Variants in ADGRG6 observed in about 807,000 individuals in gnomAD.
ADGRG6 encodes the protein adhesion G protein-coupled receptor G6.
ADGRG6 carries 84 observed loss-of-function variants against 142.4 expected under a neutral mutation model. The ratio of observed to expected loss-of-function variants is 0.59; its 90% CI spans 0.49 to 0.71. The LOEUF (loss-of-function observed/expected upper bound fraction) is 0.71, where lower values mean the gene tolerates loss of function less well. Among genes scored for constraint, ADGRG6 ranks in the 30% least tolerant of loss-of-function variants. The probability of loss-of-function intolerance (pLI) is 0.00; values close to 1 mark genes in which losing one functional copy is unlikely to be tolerated. For missense variants in ADGRG6, 1,367 were observed against 1,466.6 expected, an observed-to-expected ratio of 0.93 and a Z score of 1.11; for synonymous variants, 521 against 520.5, an observed-to-expected ratio of 1.00 and a Z score of -0.01.
intron 1 of ADGRG6, among the ~76,000 whole-genome samples, chr6:142,303,860 T>C (rs1327327721): frequency 6.6e-6 from 1 of 152,210 alleles, no homozygotes; most frequent in East Asian, 1.9e-4. Context: ...TTCCTGATCA[T>C]GAAATTAAGT....
chr6:142,318,710 GA>G (rs1778368846), intron 2 of ADGRG6, among the ~76,000 whole-genome samples: 1 of 151,954 alleles, frequency 6.6e-6, no homozygotes, highest in African/African-American at 2.4e-5. Context: ...GGAGAAGGGG[GA>G]TCTGGGCAGA....
intron 18 of ADGRG6, among the ~76,000 whole-genome samples, chr6:142,411,983 G>A (rs1776112217): frequency 6.6e-6 from 1 of 152,080 alleles, no homozygotes; most frequent in African/African-American, 2.4e-5. Context: ...TGGTTATGAT[G>A]TTTCTGTCAC....
intron 6 of ADGRG6, among the ~76,000 whole-genome samples, chr6:142,387,618 T>C (rs1782096114): frequency 6.6e-6 from 1 of 152,216 alleles, no homozygotes; most frequent in African/African-American, 2.4e-5. Flanking sequence ...ACGTCTATTT[T>C]TTCAAATAGG....
Position 142,402,837 on chromosome 6 carries a change from A to ATTT in ADGRG6, c.1955+15_1955+17dup. The ATTT allele has an allele frequency of 7.3e-7, 1 of 1,366,776 alleles. No individual in the cohort carries two copies. Among genetic ancestry groups the ATTT allele is most frequent in the Admixed American group, 2.1e-5 (1 of 46,828 alleles). 84.7% of individuals were successfully genotyped at this position (1,366,776 alleles called of 1,614,324 possible). On this transcript the variant is annotated splice_region_variant and intron_variant, in intron 13 of 24. Coordinates refer to ENST00000367609, the MANE Select transcript of ADGRG6 (RefSeq NM_198569.3). Reference sequence around the variant, plus strand: ...TGCTTGAGTCATCTTCTGAGTAAGTATTTTTTTTTTCCTGGAGAGTAAATT... The same window carrying ATTT: ...TGCTTGAGTCATCTTCTGAGTAAGTATTTTTTTTTTTTTCCTGGAGAGTAAATT...
At chr6:142,380,480 A>G (rs907182338) in intron 4 of ADGRG6, among the ~76,000 whole-genome samples, 1 of 152,064 alleles carries the variant, frequency 6.6e-6, no homozygotes, top group Non-Finnish European at 1.5e-5. Context: ...TGGTGTTGCT[A>G]TTTTCCAAAG....
At chr6:142,405,217 C>T in intron 14 of ADGRG6, 2 of 385,086 alleles carry the variant, frequency 5.2e-6, no homozygotes, top group Non-Finnish European at 1.0e-5. Flanking sequence ...CATTCTTTGT[C>T]CTTGAGCTAT....
chr6:142,360,991 C>T (rs1455892828), intron 2 of ADGRG6, among the ~76,000 whole-genome samples: 1 of 152,148 alleles, frequency 6.6e-6, no homozygotes, highest in African/African-American at 2.4e-5. Flanking sequence ...CCTGTATTTC[C>T]AAGTGGCCAA....
intron 14 of ADGRG6, 182 bp downstream of exon 14, chr6:142,404,155 T>G (rs1404715075): frequency 5.2e-6 from 3 of 578,938 alleles, no homozygotes; most frequent in Non-Finnish European, 9.1e-6. Context: ...GTGGGTATGC[T>G]TTCATAATCT....
At chr6:142,411,207 A>C (rs1776061886) in intron 17 of ADGRG6, 98 bp from the exon 18 acceptor site, 6 of 721,310 alleles carry the variant, frequency 8.3e-6, no homozygotes, top group Non-Finnish European at 1.6e-5. Context: ...TCTGTATGGC[A>C]GAAGAGACTG....
intron 22 of ADGRG6, among the ~76,000 whole-genome samples, chr6:142,420,670 A>G (rs754165042): frequency 6.6e-6 from 1 of 152,166 alleles, no homozygotes; most frequent in Non-Finnish European, 1.5e-5. Context: ...AGTTAGTTCA[A>G]CAATTCAACA....
At chr6:142,354,838 TCTA>T (rs1780366047) in intron 2 of ADGRG6, among the ~76,000 whole-genome samples, 1 of 152,240 alleles carries the variant, frequency 6.6e-6, no homozygotes, top group African/African-American at 2.4e-5. Context: ...TAACAGTTCA[TCTA>T]CTTAGAAGCT....
intron 2 of ADGRG6, among the ~76,000 whole-genome samples, chr6:142,334,471 C>T (rs1371066762): frequency 6.6e-6 from 1 of 152,138 alleles, no homozygotes; most frequent in Non-Finnish European, 1.5e-5. Context: ...AGCAGAAGCC[C>T]AAGTGCCTGT....
chr6:142,400,921 C>T (rs148515110), intron 11 of ADGRG6: 220 of 187,702 alleles, frequency 1.2e-3, no homozygotes, highest in Middle Eastern at 2.0e-3. Context: ...TCTGGAATTC[C>T]GAAACTTTTT....
chr6:142,412,614 T>C (rs879295958), intron 18 of ADGRG6, among the ~76,000 whole-genome samples: 2 of 152,216 alleles, frequency 1.3e-5, no homozygotes, highest in Non-Finnish European at 2.9e-5. Flanking sequence ...TTTTTAACTA[T>C]CTAAAATACA....
At chr6:142,380,035 A>G (rs553896023) in intron 4 of ADGRG6, among the ~76,000 whole-genome samples, 1 of 152,212 alleles carries the variant, frequency 6.6e-6, no homozygotes, top group African/African-American at 2.4e-5. Flanking sequence ...TAGTGGGGAG[A>G]GGGCTTCCAG....
At chr6:142,309,381 G>A (rs1346472754) in intron 1 of ADGRG6, among the ~76,000 whole-genome samples, 163 bp from the exon 2 acceptor site, 1 of 151,888 alleles carries the variant, frequency 6.6e-6, no homozygotes, top group Non-Finnish European at 1.5e-5. Context: ...CTTGAAGGAA[G>A]TGATCAAGTC....
In ADGRG6 at chr6:142,445,463, A is replaced by G. The variant is rs1777934946; in HGVS notation, c.*1948A>G. On this transcript the variant is annotated 3_prime_UTR_variant, in exon 25 of 25. Coordinates refer to ENST00000367609, the MANE Select transcript of ADGRG6 (RefSeq NM_198569.3). ...TAGATTTTAATTAGTTAGCTTTCTA[A>G]CTAGTCAGATTTCTGCCCAAAGTGC... 1.3e-5 allele frequency: 2 copies of G among 152,198 alleles called. No homozygotes were observed. The highest frequency in any genetic ancestry group is 4.1e-4 in the South Asian group (2 of 4,832). The allele number at this position is 152,198 out of a possible 1,614,324, so 9.4% of individuals were successfully genotyped here.
rs1247275951 is a variant in ADGRG6, at chr6:142,381,950, G to T, written c.1070-1G>T. 6 of 1,584,888 alleles carry T rather than the reference G, an allele frequency of 3.8e-6. No homozygotes were observed. The highest frequency in any genetic ancestry group is 4.3e-6 in the Non-Finnish European group (5 of 1,159,130). On this transcript the variant is annotated splice_acceptor_variant, in intron 4 of 24. Coordinates refer to ENST00000367609, the MANE Select transcript of ADGRG6 (RefSeq NM_198569.3). LOFTEE classifies it high-confidence loss of function. ...TACATATTCTTTTTGTGTTGATCAA[G>T]GTTCCTACCTGATCCCGCTCCCAGC...
At chr6:142,432,449 A>G (rs990094823) in intron 22 of ADGRG6, among the ~76,000 whole-genome samples, 1 of 152,198 alleles carries the variant, frequency 6.6e-6, no homozygotes, top group African/African-American at 2.4e-5. Flanking sequence ...ACAATACCTT[A>G]AAATTTAAAA....
Sources: allele counts gnomAD v4.1 joint callset (sites outside exome capture counted in the v4.1 genomes callset), GRCh38; gene constraint gnomAD v4.1.1; transcripts MANE v1.5; gene names NCBI Gene and HGNC (gene_info 2026-07-23, HGNC 2026-07-21).